The following SORCS2 variants were observed in gnomAD, a reference collection of about 807,000 sequenced individuals.
SORCS2 encodes VPS10 domain-containing receptor SorCS2.
A neutral mutation model predicts 141.6 loss-of-function variants in SORCS2; 100 were observed. The observed-to-expected ratio is 0.71, with a 90% CI of 0.60 to 0.83. SORCS2 has a LOEUF of 0.83. Among genes scored for constraint, SORCS2 ranks in the 40% least tolerant of loss-of-function variants. The pLI is 0.00. For missense variants in SORCS2, 1,646 were observed against 1,560.2 expected (o/e 1.05, Z -0.93); for synonymous variants, 789 against 676.9 (o/e 1.17, Z -2.57).
intron 2 of SORCS2, among the ~76,000 whole-genome samples, chr4:7,429,163 G>A (rs9995539): frequency 1.3e-5 from 2 of 151,972 alleles, no homozygotes; most frequent in Non-Finnish European, 2.9e-5. Context: ...GGGTTGGGCC[G>A]GCACACCCCC....
chr4:7,709,062 G>A (rs1294269498), intron 14 of SORCS2, among the ~76,000 whole-genome samples: 1 of 152,202 alleles, frequency 6.6e-6, no homozygotes, highest in African/African-American at 2.4e-5. Context: ...AGGACCTCCT[G>A]TGGCCTTTAC....
intron 14 of SORCS2, among the ~76,000 whole-genome samples, chr4:7,705,069 A>T (rs1725336531): frequency 6.6e-6 from 1 of 152,192 alleles, no homozygotes; most frequent in Admixed American, 6.5e-5. Flanking sequence ...AAATGGGGTT[A>T]TTGTCAATGT....
At chr4:7,404,039 G>A (rs1354627277) in intron 2 of SORCS2, among the ~76,000 whole-genome samples, 2 of 138,290 alleles carry the variant, frequency 1.4e-5, no homozygotes, top group Non-Finnish European at 3.1e-5. Flanking sequence ...GTGAGAACAT[G>A]TGGTATTTGT....
chr4:7,726,063 C>G (rs1727198319), intron 20 of SORCS2, among the ~76,000 whole-genome samples: 1 of 152,232 alleles, frequency 6.6e-6, no homozygotes, highest in South Asian at 2.1e-4. Context: ...GGTGGCCTCT[C>G]CTGTCTCTGC....
chr4:7,339,578 G>A (rs1375664008), intron 1 of SORCS2, among the ~76,000 whole-genome samples: 3 of 152,138 alleles, frequency 2.0e-5, no homozygotes, highest in South Asian at 2.1e-4. Context: ...ATCTTCACAC[G>A]GTGTTCTCCC....
At chr4:7,640,512 G>T (rs78560658) in intron 4 of SORCS2, among the ~76,000 whole-genome samples, 3 of 121,804 alleles carry the variant, frequency 2.5e-5, no homozygotes, top group Middle Eastern at 3.5e-3. Context: ...GTGAGAGTGT[G>T]TGAGTGTATG....
chr4:7,568,314 G>A (rs575866118), intron 3 of SORCS2, among the ~76,000 whole-genome samples: 4 of 152,320 alleles, frequency 2.6e-5, no homozygotes, highest in African/African-American at 9.6e-5. Context: ...AAGTTAGCAA[G>A]TATCTATGTC....
chr4:7,243,017 T>A (rs185505556), intron 1 of SORCS2, among the ~76,000 whole-genome samples: 1 of 151,866 alleles, frequency 6.6e-6, no homozygotes, highest in Non-Finnish European at 1.5e-5. Flanking sequence ...TGGTCCTCCT[T>A]GAGTGCGTCA....
chr4:7,725,352 G>A, intron 20 of SORCS2, 65 bp downstream of exon 20: 4 of 1,546,176 alleles, frequency 2.6e-6, no homozygotes, highest in Non-Finnish European at 3.5e-6. Flanking sequence ...GCACAGTGGG[G>A]CAGAGCATGG....
chr4:7,454,277 C>A (rs1415830962), intron 2 of SORCS2, among the ~76,000 whole-genome samples: 4 of 40,386 alleles, frequency 9.9e-5, no homozygotes, highest in African/African-American at 4.3e-4. Context: ...GGTCAGGCTC[C>A]GTGTTGGGGT....
intron 3 of SORCS2, among the ~76,000 whole-genome samples, chr4:7,557,792 C>A (rs970890944): frequency 6.6e-6 from 1 of 152,162 alleles, no homozygotes; most frequent in Non-Finnish European, 1.5e-5. Context: ...GATGTGATGC[C>A]TTCCTTGGGG....
intron 3 of SORCS2, among the ~76,000 whole-genome samples, chr4:7,624,125 G>A (rs557283037): frequency 1.3e-5 from 2 of 152,312 alleles, no homozygotes; most frequent in African/African-American, 4.8e-5. Flanking sequence ...ACAACTATTT[G>A]TTACCAGTAT....
intron 3 of SORCS2, among the ~76,000 whole-genome samples, chr4:7,567,729 C>T (rs934995892): frequency 6.6e-6 from 1 of 152,156 alleles, no homozygotes; most frequent in Non-Finnish European, 1.5e-5. Context: ...AGTGAGTCTC[C>T]CTCCCCTTGA....
intron 1 of SORCS2, among the ~76,000 whole-genome samples, chr4:7,223,252 G>T (rs1728812041): frequency 1.3e-5 from 2 of 151,796 alleles, no homozygotes; most frequent in South Asian, 2.1e-4. Flanking sequence ...CCTTCTCATT[G>T]CATTTTTCTT....
chr4:7,370,661 G>A (rs1410998958), intron 1 of SORCS2, among the ~76,000 whole-genome samples: 1 of 152,188 alleles, frequency 6.6e-6, no homozygotes, highest in African/African-American at 2.4e-5. Context: ...CCTGCCTGCC[G>A]GTGGCGGGGT....
At chr4:7,554,286 C>T (rs1290843759) in intron 3 of SORCS2, among the ~76,000 whole-genome samples, 1 of 152,102 alleles carries the variant, frequency 6.6e-6, no homozygotes, top group Non-Finnish European at 1.5e-5. Flanking sequence ...TGTGATGAAC[C>T]CAAAAGTGCT....
intron 3 of SORCS2, among the ~76,000 whole-genome samples, chr4:7,574,587 G>T (rs954813309): frequency 4.6e-5 from 7 of 152,012 alleles, no homozygotes; most frequent in African/African-American, 1.4e-4. Flanking sequence ...GAAGGAGGGA[G>T]GGAGAGAGGC....
At chr4:7,235,637 G>A (rs936056538) in intron 1 of SORCS2, among the ~76,000 whole-genome samples, 1 of 152,184 alleles carries the variant, frequency 6.6e-6, no homozygotes, top group Admixed American at 6.5e-5. Flanking sequence ...AGGGTAGAGC[G>A]CCCTGTGTAC....
At chr4:7,557,424 G>T (rs1356557661) in intron 3 of SORCS2, among the ~76,000 whole-genome samples, 2 of 152,164 alleles carry the variant, frequency 1.3e-5, no homozygotes, top group East Asian at 3.8e-4. Flanking sequence ...ATTACATAAG[G>T]ATAAGAAAAG....
Sources: allele counts gnomAD v4.1 joint callset (sites outside exome capture counted in the v4.1 genomes callset), GRCh38; gene constraint gnomAD v4.1.1; transcripts MANE v1.5; gene names NCBI Gene and HGNC (gene_info 2026-07-23, HGNC 2026-07-21).